Variants in ACOX3 observed in about 807,000 individuals in gnomAD.
ACOX3 encodes peroxisomal acyl-coenzyme A oxidase 3.
In ACOX3, 73 loss-of-function variants were observed where a neutral mutation model predicts 81.5. That is an observed-to-expected ratio of 0.90 (90% CI 0.74 to 1.09). The LOEUF (loss-of-function observed/expected upper bound fraction) is 1.09, where lower values mean the gene tolerates loss of function less well. ACOX3 is among the 50% of genes least tolerant of loss of function. The pLI is 0.00. For missense variants in ACOX3, 947 were observed against 928.0 expected (o/e 1.02, Z -0.27); for synonymous variants, 387 against 375.1 (o/e 1.03, Z -0.37).
At position 8,414,420 on chromosome 4, in the gene ACOX3, G is replaced by C. The variant is rs1470858620; in HGVS notation, c.454-39C>G. Reference sequence around the variant, plus strand: ...CACAAAATGATGGAAAGCAAGAAAAGTTCTTTGTGCACATTCCCAGAAGGA... The same window carrying C: ...CACAAAATGATGGAAAGCAAGAAAACTTCTTTGTGCACATTCCCAGAAGGA... On this transcript the variant is annotated intron_variant, in intron 4 of 17. Coordinates refer to ENST00000356406, the MANE Select transcript of ACOX3 (RefSeq NM_003501.3). The surrounding 1 kb of genome is among the most constrained non-coding windows in gnomAD (Gnocchi z 6.1). The C allele has an allele frequency of 1.3e-6, 2 of 1,570,970 alleles. No individual in the cohort carries two copies. Among genetic ancestry groups the C allele is most frequent in the Admixed American group, 1.7e-5 (1 of 59,906 alleles).
chr4:8,434,497 C>T (rs981750516), intron 1 of ACOX3, among the ~76,000 whole-genome samples: 1 of 152,258 alleles, frequency 6.6e-6, no homozygotes, highest in African/African-American at 2.4e-5. Flanking sequence ...CCAGCTTGCG[C>T]GATGCAGATC....
chr4:8,373,573 A>T lies in ACOX3; in HGVS notation c.1884T>A (p.Ala628=), dbSNP rs142303617. 2 of 1,613,886 alleles carry T rather than the reference A, an allele frequency of 1.2e-6. No individual in the cohort carries two copies. The highest frequency in any genetic ancestry group is 1.3e-5 in the African/African-American group (1 of 74,902). The change falls in exon 16 of 18, where the codon GCT becomes GCA. Residue 628 remains alanine (A), a synonymous_variant. Coordinates refer to ENST00000356406, the MANE Select transcript of ACOX3 (RefSeq NM_003501.3). ...AGEVLESAVL[A]LCSQLKDDAV... is the part of the protein sequence containing the mutation. ...ACCCACGGCTCACCTGGGAACACAA[A>T]GCCAGGACGGCGCTCTCCAACACTT...
rs146710813 is a variant in ACOX3, at chr4:8,404,167, T to G, written c.776+1788A>C. 2.0e-3 allele frequency among the ~76,000 whole-genome samples: 305 copies of G among 152,348 alleles called. 2 individuals carry two copies. Among genetic ancestry groups the G allele is most frequent in the African/African-American group, 6.9e-3 (285 of 41,598 alleles). ...ATTACATCCTCCAGATGGCTGGGGCTTCCCGCTGCCCTGAGGGCGAAGGGC... is the reference window on the plus strand; with the variant it reads ...ATTACATCCTCCAGATGGCTGGGGCGTCCCGCTGCCCTGAGGGCGAAGGGC... On this transcript the variant is annotated intron_variant, in intron 7 of 17. Coordinates refer to ENST00000356406, the MANE Select transcript of ACOX3 (RefSeq NM_003501.3).
chr4:8,381,601 A>G lies in ACOX3; in HGVS notation c.1544T>C (p.Leu515Pro). 3 of 1,612,112 alleles carry G rather than the reference A, an allele frequency of 1.9e-6. No homozygotes were observed. The highest frequency in any genetic ancestry group is 2.5e-6 in the Non-Finnish European group (3 of 1,178,696). ...GCAAACCAGCCACTTGTATGCTGCC[A>G]GGGCGACTTCGGAATGACAAACAGA... ...VADCLDSAVA[L>P]AAYKWLVCYL... Residue 515 changes from leucine to proline, a missense_variant, in exon 14 of 18, where the codon CTG (leucine) becomes CCG (proline). Transcript: ENST00000356406. The surrounding 1 kb of genome is among the most constrained non-coding windows in gnomAD (Gnocchi z 4.3).
intron 1 of ACOX3, among the ~76,000 whole-genome samples, chr4:8,425,832 T>A (rs931829380): frequency 6.6e-6 from 1 of 151,876 alleles, no homozygotes; most frequent in African/African-American, 2.4e-5. Flanking sequence ...AGAGTGACAA[T>A]GGCCCCGCTT....
chr4:8,392,254 G>C lies in ACOX3; in HGVS notation c.1300+79C>G. Reference sequence around the variant, plus strand: ...GCAGGCTGGATTTGGTCCTCAGGCCGCAGTCTGCCGACCCCTGGTCTAGAG... The same window carrying C: ...GCAGGCTGGATTTGGTCCTCAGGCCCCAGTCTGCCGACCCCTGGTCTAGAG... On this transcript the variant is annotated intron_variant, in intron 11 of 17. Coordinates refer to ENST00000356406, the MANE Select transcript of ACOX3 (RefSeq NM_003501.3). 2.2e-6 allele frequency: 3 copies of C among 1,352,492 alleles called. No homozygotes were observed. The South Asian group carries it at 6.8e-5, about 31-fold the overall frequency. The allele number at this position is 1,352,492 out of a possible 1,614,324, so 83.8% of individuals were successfully genotyped here.
Position 8,394,876 on chromosome 4 carries a change from G to A in ACOX3, c.1057-134C>T, listed in dbSNP as rs917940693. The A allele has an allele frequency of 2.5e-6, 3 of 1,217,338 alleles. No homozygotes were observed. Among genetic ancestry groups the A allele is most frequent in the Admixed American group, 2.8e-5 (1 of 36,200 alleles). 75.4% of individuals were successfully genotyped at this position (1,217,338 alleles called of 1,614,324 possible). A position where few individuals can be genotyped will look rare whatever the true frequency, so the allele number is the denominator to read the frequency against. ...CCACTAGCGCTGAAGGTCTTCACAT[G>A]TCTTCCCGGCACATCAGAAAGCCTT... On this transcript the variant is annotated intron_variant, in intron 9 of 17. Coordinates refer to ENST00000356406, the MANE Select transcript of ACOX3 (RefSeq NM_003501.3). This position sits in a 1 kb window ranked among gnomAD's most constrained non-coding sequence, Gnocchi z 5.9.
downstream of ACOX3, among the ~76,000 whole-genome samples, chr4:8,363,035 C>T (rs557048528): frequency 1.3e-3 from 192 of 152,300 alleles, no homozygotes; most frequent in Non-Finnish European, 2.0e-3. Flanking sequence ...TTCTTAAATT[C>T]TAGTTTCATT....
At chr4:8,422,947 T>C (rs932949093) in intron 1 of ACOX3, among the ~76,000 whole-genome samples, 1 of 152,022 alleles carries the variant, frequency 6.6e-6, no homozygotes, top group Middle Eastern at 3.4e-3. Context: ...CCCCAGGGGA[T>C]GAAGGTCCTT....
chr4:8,425,137 G>A (rs1723332930), intron 1 of ACOX3, among the ~76,000 whole-genome samples: 1 of 152,146 alleles, frequency 6.6e-6, no homozygotes, highest in African/African-American at 2.4e-5. Context: ...ATTACAATTG[G>A]CTGTACAGAA....
At position 8,399,527 on chromosome 4, in the gene ACOX3, G is replaced by A. The variant is rs754742175; in HGVS notation, c.873+29C>T. The A allele has an allele frequency of 1.3e-5, 20 of 1,577,642 alleles. No homozygotes were observed. The East Asian group carries it at 3.1e-4, about 25-fold the overall frequency. On this transcript the variant is annotated intron_variant, in intron 8 of 17. Transcript: ENST00000356406. This position sits in a 1 kb window ranked among gnomAD's most constrained non-coding sequence, Gnocchi z 4.9. ...GCAGAGGAAGGCACCTGGGAAGCAC[G>A]GCACACGAACGGCCCCCCATGCCTG...
chr4:8,393,637 G>GCGCA (rs1480952781), intron 10 of ACOX3, among the ~76,000 whole-genome samples: 3 of 144,512 alleles, frequency 2.1e-5, no homozygotes, highest in African/African-American at 7.5e-5. Context: ...ACACACACAC[G>GCGCA]CACACACACA....
intron 1 of ACOX3, among the ~76,000 whole-genome samples, chr4:8,429,209 G>C (rs150283200): frequency 0.01 from 1,596 of 152,256 alleles, 16 homozygotes; most frequent in Non-Finnish European, 0.015. Flanking sequence ...TAGAGAAAAC[G>C]CCACTCTTTG....
At chr4:8,375,758 A>G (rs907081089) in intron 14 of ACOX3, among the ~76,000 whole-genome samples, 1 of 152,224 alleles carries the variant, frequency 6.6e-6, no homozygotes, top group Non-Finnish European at 1.5e-5. Flanking sequence ...GTACATGTGA[A>G]CATGCAGCAT....
rs143474199 is a variant in ACOX3, at chr4:8,373,716, C to T, written c.1829-88G>A. 1.7e-4 allele frequency: 220 copies of T among 1,316,548 alleles called. No homozygotes were observed. The Middle Eastern group carries it at 2.0e-3, about 12-fold the overall frequency. 81.6% of individuals were successfully genotyped at this position (1,316,548 alleles called of 1,614,324 possible). On this transcript the variant is annotated intron_variant, in intron 15 of 17. Coordinates refer to ENST00000356406, the MANE Select transcript of ACOX3 (RefSeq NM_003501.3). ...CATGCCCTGAGTGCACTTTCCAAAT[C>T]GGCCATATAGGAGGCCTGTTTTGGG... is the stretch of plus-strand genomic sequence containing the variant.
chr4:8,393,488 C>CAAAAACAA lies in ACOX3; in HGVS notation c.1180-1043_1180-1036dup, dbSNP rs544098846. ...TGGGCAACAGAGCGAGACTCCGTCT[C>CAAAAACAA]AAAAACAAACAAACAAACAAACAAA... On this transcript the variant is annotated intron_variant, in intron 10 of 17. Coordinates refer to ENST00000356406, the MANE Select transcript of ACOX3 (RefSeq NM_003501.3). Among the ~76,000 whole-genome samples, 545 of 93,558 alleles carry CAAAAACAA rather than the reference C, an allele frequency of 5.8e-3. 29 individuals are homozygous for CAAAAACAA. Among genetic ancestry groups the CAAAAACAA allele is most frequent in the African/African-American group, 0.034 (529 of 15,414 alleles). The allele number at this position is 93,558 out of a possible 152,430, so 61.4% of individuals were successfully genotyped here. A position where few individuals can be genotyped will look rare whatever the true frequency, so the allele number is the denominator to read the frequency against.
intron 14 of ACOX3, among the ~76,000 whole-genome samples, chr4:8,379,841 A>G (rs577771219): frequency 1.3e-5 from 2 of 152,294 alleles, no homozygotes; most frequent in East Asian, 3.9e-4. Context: ...GCTGGAGTGC[A>G]GTGATGTGAT....
At chr4:8,408,018 C>CT (rs1721203327) in intron 6 of ACOX3, among the ~76,000 whole-genome samples, 2 of 152,330 alleles carry the variant, frequency 1.3e-5, no homozygotes, top group South Asian at 4.1e-4. Context: ...CCAGCCCAAA[C>CT]TGTCAACAGT....
chr4:8,415,910 G>A lies in ACOX3; in HGVS notation c.234C>T (p.Asn78=), dbSNP rs1722281255. ...DLSLEKYREL[N]FLRCKRIFEY... The stretch of plus-strand genomic sequence containing the variant: ...CGAAGATCCGCTTGCATCGAAGGAA[G>A]TTCAGCTCGCGATACTTCTCCAAGG... The change falls in exon 3 of 18, where the codon AAC becomes AAT. Residue 78 remains asparagine (N), a synonymous_variant. Transcript: ENST00000356406. The A allele has an allele frequency of 6.2e-7, 1 of 1,614,226 alleles. No individual in the cohort carries two copies. Among genetic ancestry groups the A allele is most frequent in the African/African-American group, 1.3e-5 (1 of 75,054 alleles).
Sources: gnomAD v4.1 joint callset for allele counts (sites outside exome capture counted in the v4.1 genomes callset) on GRCh38, gnomAD v4.1.1 for gene constraint, Gnocchi (gnomAD v3.1) non-coding constraint, MANE v1.5 for transcripts, NCBI Gene and HGNC (gene_info 2026-07-23, HGNC 2026-07-21) for gene names.